Variants in CFAP20DC observed in about 807,000 individuals in gnomAD.
CFAP20DC encodes the protein CFAP20 domain containing.
In CFAP20DC, 84 loss-of-function variants were observed where a neutral mutation model predicts 101.7. The ratio of observed to expected loss-of-function variants is 0.83; its 90% confidence interval spans 0.69 to 0.99. The LOEUF is 0.99. CFAP20DC is among the 50% of genes least tolerant of loss of function. The probability of loss-of-function intolerance (pLI) is 0.00; values close to 1 mark genes in which losing one functional copy is unlikely to be tolerated. For missense variants in CFAP20DC, 1,007 were observed against 970.3 expected, an observed-to-expected ratio of 1.04 and a Z score of -0.50; for synonymous variants, 359 against 351.2, an observed-to-expected ratio of 1.02 and a Z score of -0.25.
At chr3:58,770,758 G>T (rs1441089823) in intron 15 of CFAP20DC, among the ~76,000 whole-genome samples, 1 of 152,196 alleles carries the variant, frequency 6.6e-6, no homozygotes, top group Non-Finnish European at 1.5e-5. Context: ...TAAGATAGAA[G>T]AATCTTGGAT....
chr3:58,782,296 G>T (rs764899963), intron 15 of CFAP20DC, among the ~76,000 whole-genome samples: 1 of 151,714 alleles, frequency 6.6e-6, no homozygotes. Flanking sequence ...AATAATAAAG[G>T]CCATATATGA....
At chr3:58,834,342 T>C (rs1285366305) in intron 13 of CFAP20DC, among the ~76,000 whole-genome samples, 1 of 152,222 alleles carries the variant, frequency 6.6e-6, no homozygotes, top group Non-Finnish European at 1.5e-5. Context: ...AGCGTTCTAA[T>C]GTGTCACATA....
chr3:58,734,334 T>C (rs2067704266), intron 3 of CFAP20DC: 1 of 299,956 alleles, frequency 3.3e-6, no homozygotes, highest in Non-Finnish European at 6.7e-6. Context: ...TAACACAGTA[T>C]GTATGTGCCC....
In CFAP20DC at chr3:58,982,114, C is replaced by T. The variant is rs1392466324; in HGVS notation, c.279-44352G>A. The stretch of plus-strand genomic sequence containing the variant: ...CAAAAGACACATGAAAAAATGCTCA[C>T]CATCACTGGCCATCAGAGAAATGCA... On this transcript the variant is annotated intron_variant, in intron 4 of 16. Coordinates refer to ENST00000482387, the MANE Select transcript of CFAP20DC (RefSeq NM_001394063.1). Among the ~76,000 whole-genome samples the T allele has an allele frequency of 1.2e-3, 180 of 151,976 alleles. 1 individual carries two copies. Among genetic ancestry groups the T allele is most frequent in the African/African-American group, 3.5e-3 (146 of 41,438 alleles).
chr3:58,727,328 A>G (rs2067567638), intron 3 of CFAP20DC: 1 of 152,440 alleles, frequency 6.6e-6, no homozygotes, highest in Non-Finnish European at 1.5e-5. Context: ...AAATATTTCT[A>G]GTTCAGGCTC....
intron 16 of CFAP20DC, 149 bp downstream of exon 16, chr3:58,753,620 A>G (rs1559542961): frequency 1.6e-6 from 1 of 610,082 alleles, no homozygotes; most frequent in Non-Finnish European, 2.9e-6. Context: ...ATTATTCTAA[A>G]AAATGAGGCT....
At chr3:58,820,029 C>T (rs1185855770) in intron 14 of CFAP20DC, among the ~76,000 whole-genome samples, 5 of 147,998 alleles carry the variant, frequency 3.4e-5, no homozygotes, top group African/African-American at 7.5e-5. Flanking sequence ...TAAACAGAGC[C>T]AAAGACAAAA....
chr3:58,865,891 T>G (rs1446911478), intron 11 of CFAP20DC, among the ~76,000 whole-genome samples: 1 of 152,222 alleles, frequency 6.6e-6, no homozygotes, highest in Non-Finnish European at 1.5e-5. Context: ...TTTATGGAAT[T>G]TGCAGTTTTA....
intron 15 of CFAP20DC, among the ~76,000 whole-genome samples, chr3:58,763,361 GT>G (rs1678960843): frequency 1.3e-5 from 2 of 152,178 alleles, no homozygotes; most frequent in African/African-American, 4.8e-5. Context: ...TCATCACGTA[GT>G]TCTTGTGCCT....
chr3:58,909,239 A>G (rs1080126), intron 6 of CFAP20DC, among the ~76,000 whole-genome samples: 26,564 of 152,044 alleles, frequency 0.17, 4,780 homozygotes, highest in African/African-American at 0.44. Context: ...GGGGAAGGCT[A>G]CATGCATGTG....
chr3:59,021,495 C>G (rs140842111), intron 4 of CFAP20DC, among the ~76,000 whole-genome samples: 1 of 152,108 alleles, frequency 6.6e-6, no homozygotes, highest in Admixed American at 6.5e-5. Flanking sequence ...TCTGCCCACC[C>G]TGCCTACACT....
rs572574441 is a variant in CFAP20DC at position 58,809,667 on chromosome 3, A to T, written c.2176-3211T>A. On this transcript the variant is annotated intron_variant, in intron 14 of 16. Transcript: ENST00000482387. Reference sequence around the variant, plus strand: ...ACTAGAAAAGCAAGAGCAAACACATACGAAAGCTAGCAGAAGGCAAGACAT... The same window carrying T: ...ACTAGAAAAGCAAGAGCAAACACATTCGAAAGCTAGCAGAAGGCAAGACAT... Among the ~76,000 whole-genome samples, 66 of 152,206 alleles carry T rather than the reference A, an allele frequency of 4.3e-4. 1 individual carries two copies. The South Asian group carries it at 0.012, about 28-fold the overall frequency.
chr3:58,841,185 C>A (rs1447051716), intron 13 of CFAP20DC, among the ~76,000 whole-genome samples: 1 of 152,154 alleles, frequency 6.6e-6, no homozygotes, highest in African/African-American at 2.4e-5. Context: ...ACAGGGTGAC[C>A]TGACTCTCAA....
chr3:58,758,174 T>C (rs1362428369), intron 15 of CFAP20DC, among the ~76,000 whole-genome samples: 6 of 152,194 alleles, frequency 3.9e-5, no homozygotes, highest in Non-Finnish European at 7.3e-5. Context: ...TTTTACTTTA[T>C]GTATGTTTAA....
intron 4 of CFAP20DC, among the ~76,000 whole-genome samples, chr3:58,970,008 T>C (rs569941280): frequency 6.6e-6 from 1 of 152,298 alleles, no homozygotes; most frequent in African/African-American, 2.4e-5. Context: ...GGATAAATTT[T>C]ATGATATGTG....
chr3:58,855,763 C>G (rs1416013757), intron 12 of CFAP20DC, among the ~76,000 whole-genome samples: 1 of 144,674 alleles, frequency 6.9e-6, no homozygotes, highest in Non-Finnish European at 1.5e-5. Flanking sequence ...CATATTCTCA[C>G]TCATAGGTGG....
downstream of CFAP20DC, chr3:58,717,291 A>G (rs138995133): frequency 3.8e-3 from 663 of 175,198 alleles, 5 homozygotes; most frequent in Middle Eastern, 0.018. This position sits in a 1 kb window ranked among gnomAD's most constrained non-coding sequence, Gnocchi z 4.1. Flanking sequence ...CCATCACACA[A>G]AACCAAAAGC....
At chr3:58,906,705 T>G (rs1297697853) in intron 6 of CFAP20DC, among the ~76,000 whole-genome samples, 1 of 152,010 alleles carries the variant, frequency 6.6e-6, no homozygotes, top group Non-Finnish European at 1.5e-5. Flanking sequence ...CAAGGTGGGA[T>G]CACTTGAGTC....
intron 1 of CFAP20DC, among the ~76,000 whole-genome samples, chr3:59,047,881 A>G (rs2109330172): frequency 6.6e-6 from 1 of 152,210 alleles, no homozygotes; most frequent in African/African-American, 2.4e-5. Flanking sequence ...GAAATTAAAC[A>G]GTTTAGTACT....
Sources: gnomAD v4.1 joint callset for allele counts (sites outside exome capture counted in the v4.1 genomes callset) on GRCh38, gnomAD v4.1.1 for gene constraint, Gnocchi (gnomAD v3.1) non-coding constraint, MANE v1.5 for transcripts, NCBI Gene and HGNC (gene_info 2026-07-23, HGNC 2026-07-21) for gene names.